The following NAALADL2 variants were observed in gnomAD, a reference collection of about 807,000 sequenced individuals.
NAALADL2 encodes N-acetylated alpha-linked acidic dipeptidase like 2, also known as inactive N-acetylated-alpha-linked acidic dipeptidase-like protein 2.
A neutral mutation model predicts 87.2 loss-of-function variants in NAALADL2; 76 were observed. The observed-to-expected ratio is 0.87, with a 90% CI of 0.72 to 1.05. NAALADL2 has a LOEUF of 1.05. Among genes scored for constraint, NAALADL2 ranks in the 50% least tolerant of loss-of-function variants. The pLI, the probability that NAALADL2 is intolerant of heterozygous loss-of-function variation, is 0.00. For synonymous variants in NAALADL2, 354 were observed against 331.0 expected (o/e 1.07, Z -0.75); for missense variants, 1,089 against 945.8 (o/e 1.15, Z -1.99).
chr3:174,675,206 C>T (rs1439209936), intron 2 of NAALADL2, among the ~76,000 whole-genome samples: 1 of 151,734 alleles, frequency 6.6e-6, no homozygotes, highest in Non-Finnish European at 1.5e-5. Context: ...TTAAATTTAC[C>T]AATTTAGTGA....
intron 2 of NAALADL2, among the ~76,000 whole-genome samples, chr3:174,711,765 T>C (rs1017888768): frequency 5.9e-5 from 9 of 152,210 alleles, no homozygotes; most frequent in African/African-American, 2.2e-4. Context: ...TGTATTTTAT[T>C]ATAGTGCAAG....
chr3:175,719,382 TAAAAA>T (rs5854652), intron 11 of NAALADL2, among the ~76,000 whole-genome samples: 1 of 145,346 alleles, frequency 6.9e-6, no homozygotes, highest in Non-Finnish European at 1.5e-5. Flanking sequence ...TAAAGTATAA[TAAAAA>T]AAAAAAGTTC....
At chr3:174,850,611 G>A (rs2109472565) in intron 3 of NAALADL2, among the ~76,000 whole-genome samples, 1 of 152,182 alleles carries the variant, frequency 6.6e-6, no homozygotes, top group East Asian at 1.9e-4. Context: ...AGAGTACCCA[G>A]ATATGTAAAG....
chr3:174,987,134 T>C (rs1217190193), intron 1 of NAALADL2, among the ~76,000 whole-genome samples: 5 of 152,184 alleles, frequency 3.3e-5, no homozygotes, highest in Admixed American at 1.3e-4. Context: ...ATTTCAGCAA[T>C]GTAAGTGCTG....
chr3:174,773,661 G>C (rs777588749), intron 3 of NAALADL2, among the ~76,000 whole-genome samples: 1 of 152,128 alleles, frequency 6.6e-6, no homozygotes, highest in Non-Finnish European at 1.5e-5. Flanking sequence ...GGAGTTATGA[G>C]GGGAGAAACT....
At chr3:174,580,664 A>G (rs1716069181) in intron 2 of NAALADL2, among the ~76,000 whole-genome samples, 1 of 151,970 alleles carries the variant, frequency 6.6e-6, no homozygotes, top group African/African-American at 2.4e-5. Context: ...CTCTCTCTCT[A>G]TGTAATATAT....
At chr3:175,632,317 C>A (rs561931873) in intron 11 of NAALADL2, among the ~76,000 whole-genome samples, 3 of 140,100 alleles carry the variant, frequency 2.1e-5, no homozygotes, top group Admixed American at 1.5e-4. Flanking sequence ...TCTCCTACTC[C>A]CTAATGGTAA....
chr3:175,043,018 C>A (rs977223058), intron 1 of NAALADL2, among the ~76,000 whole-genome samples: 3 of 152,110 alleles, frequency 2.0e-5, no homozygotes, highest in African/African-American at 7.2e-5. Context: ...ATCCCTTTGC[C>A]TTATGCCATG....
intron 1 of NAALADL2, among the ~76,000 whole-genome samples, chr3:174,864,940 A>G (rs1033640956): frequency 2.6e-5 from 4 of 152,094 alleles, no homozygotes; most frequent in Admixed American, 2.0e-4. Context: ...TAGGATGACA[A>G]TACACAAAAG....
At chr3:175,696,771 C>T (rs1207459778) in intron 11 of NAALADL2, among the ~76,000 whole-genome samples, 1 of 152,096 alleles carries the variant, frequency 6.6e-6, no homozygotes, top group Non-Finnish European at 1.5e-5. Flanking sequence ...TTATTTGGCT[C>T]ACAGTTCTGG....
chr3:175,341,944 C>G (rs2148840775), intron 5 of NAALADL2, among the ~76,000 whole-genome samples: 1 of 152,198 alleles, frequency 6.6e-6, no homozygotes, highest in Middle Eastern at 3.4e-3. Flanking sequence ...CCCATTGACT[C>G]TCTTGGCATT....
At chr3:174,653,010 C>G (rs1347122690) in intron 2 of NAALADL2, among the ~76,000 whole-genome samples, 1 of 152,180 alleles carries the variant, frequency 6.6e-6, no homozygotes, top group African/African-American at 2.4e-5. Flanking sequence ...AATTAAAATG[C>G]CACACTACAC....
chr3:175,792,645 T>G (rs1038565045), intron 13 of NAALADL2, among the ~76,000 whole-genome samples: 1 of 152,204 alleles, frequency 6.6e-6, no homozygotes. Flanking sequence ...ATAACTACAG[T>G]AAGTAATCAA....
At chr3:175,055,178 T>C (rs898911644) in intron 1 of NAALADL2, among the ~76,000 whole-genome samples, 4 of 152,178 alleles carry the variant, frequency 2.6e-5, no homozygotes, top group Non-Finnish European at 4.4e-5. Flanking sequence ...CCTTGTTTAT[T>C]TGTGCTTCCA....
At chr3:175,542,126 T>C (rs1712458615) in intron 9 of NAALADL2, among the ~76,000 whole-genome samples, 2 of 152,284 alleles carry the variant, frequency 1.3e-5, no homozygotes, top group East Asian at 3.9e-4. Context: ...TTATATGAAA[T>C]GACTGTTAGT....
At position 174,991,888 on chromosome 3, in the gene NAALADL2, T is replaced by C. The variant is rs1385503443; in HGVS notation, c.44-104902T>C. On this transcript the variant is annotated intron_variant, in intron 1 of 13. Transcript: ENST00000454872. ...TAACGTTTGTATGAATAGAATATTC[T>C]TGTCTTGATTGAAAATCCATAGGAG... is the stretch of plus-strand genomic sequence containing the variant. Among the ~76,000 whole-genome samples, 5 of 152,132 alleles carry C rather than the reference T, an allele frequency of 3.3e-5. No homozygotes were observed. The East Asian group carries it at 9.6e-4, about 29-fold the overall frequency.
intron 1 of NAALADL2, among the ~76,000 whole-genome samples, chr3:174,995,294 C>A (rs1405467489): frequency 6.6e-6 from 1 of 152,110 alleles, no homozygotes; most frequent in Non-Finnish European, 1.5e-5. Context: ...ATTATTATTT[C>A]TTTCTCCAAT....
At chr3:175,337,145 G>T (rs996000051) in intron 5 of NAALADL2, among the ~76,000 whole-genome samples, 1 of 151,852 alleles carries the variant, frequency 6.6e-6, no homozygotes, top group African/African-American at 2.4e-5. Flanking sequence ...AATTACATAA[G>T]ACAATTACAT....
intron 3 of NAALADL2, among the ~76,000 whole-genome samples, chr3:174,771,556 A>G (rs1022561065): frequency 2.0e-5 from 3 of 152,182 alleles, no homozygotes; most frequent in Non-Finnish European, 4.4e-5. Flanking sequence ...GAGCTTTGGT[A>G]AAGGAATGGC....
Sources: gnomAD v4.1 joint callset for allele counts (sites outside exome capture counted in the v4.1 genomes callset) on GRCh38, gnomAD v4.1.1 for gene constraint, MANE v1.5 for transcripts, NCBI Gene and HGNC (gene_info 2026-07-23, HGNC 2026-07-21) for gene names.